Variants in FANCL observed in about 807,000 individuals in gnomAD.
The protein encoded by FANCL is FA complementation group L, also known as E3 ubiquitin-protein ligase FANCL.
Under a neutral mutation model 59.4 loss-of-function variants are expected in FANCL, and 69 were observed. The ratio of observed to expected loss-of-function variants is 1.16; its 90% CI spans 0.96 to 1.42. The LOEUF (loss-of-function observed/expected upper bound fraction) is 1.42, where lower values mean the gene tolerates loss of function less well. FANCL is among the 40% of genes most tolerant of loss of function. The pLI, the probability that FANCL is intolerant of heterozygous loss-of-function variation, is 0.00. For synonymous variants in FANCL, 180 were observed against 147.1 expected (o/e 1.22, Z -1.62); for missense variants, 519 against 447.2 (o/e 1.16, Z -1.45).
intron 4 of FANCL, among the ~76,000 whole-genome samples, chr2:58,224,508 T>C (rs1215680212): frequency 6.6e-6 from 1 of 151,816 alleles, no homozygotes; most frequent in African/African-American, 2.4e-5. Flanking sequence ...ATCTCACACA[T>C]TTAATCAAAG....
In FANCL at chr2:58,165,879, GA is replaced by G. The variant is rs746526500; in HGVS notation, c.541-6del. ...ATAAATGCTTATTAAGGAGCTCTGT[GA>G]AAAAAATGAAAGTTGAATAAGTTAT... On this transcript the variant is annotated splice_polypyrimidine_tract_variant and splice_region_variant and intron_variant, in intron 7 of 13. Transcript: ENST00000233741. 1.2e-6 allele frequency: 2 copies of G among 1,613,262 alleles called. No homozygotes were observed. The highest frequency in any genetic ancestry group is 2.2e-5 in the South Asian group (2 of 91,052).
chr2:58,237,328 A>C lies in FANCL; in HGVS notation c.96+3890T>G, dbSNP rs564603582. On this transcript the variant is annotated intron_variant, in intron 1 of 13. Coordinates refer to ENST00000233741, the MANE Select transcript of FANCL (RefSeq NM_018062.4). ...AAATCAATAACAAAAAGATATCTAGAAAATCCTTAATATTGAGAAAGATAA... is the reference window on the plus strand; with the variant it reads ...AAATCAATAACAAAAAGATATCTAGCAAATCCTTAATATTGAGAAAGATAA... 3.9e-5 allele frequency among the ~76,000 whole-genome samples: 6 copies of C among 152,286 alleles called. No homozygotes were observed. In the South Asian group the frequency reaches 1.2e-3, roughly 32 times the overall value.
intron 9 of FANCL, 76 bp from the exon 10 acceptor site, chr2:58,163,150 G>A (rs539245901): frequency 7.2e-6 from 9 of 1,253,850 alleles, no homozygotes; most frequent in Non-Finnish European, 1.0e-5. Context: ...GATACAGAAT[G>A]TTTCTTAACT....
chr2:58,159,793 G>T lies in FANCL; in HGVS notation c.1100C>A (p.Thr367Asn). The T allele has an allele frequency of 6.2e-7, 1 of 1,612,856 alleles. No homozygotes were observed. Among genetic ancestry groups the T allele is most frequent in the Non-Finnish European group, 8.5e-7 (1 of 1,179,506 alleles). ...GECPYCSKPI[T>N]LKMSGRKH is the part of the protein sequence containing the mutation. ...GTGTTTCCTTCCAGACATTTTTAAGGTAATTGGCTTTAAAAAGAGAACATA... is the reference window on the plus strand; with the variant it reads ...GTGTTTCCTTCCAGACATTTTTAAGTTAATTGGCTTTAAAAAGAGAACATA... The change falls in exon 14 of 14, where the codon ACC becomes AAC. Residue 367 changes from threonine (T) to asparagine (N), a missense_variant. Thr to Asn is a moderately conservative substitution (Grantham distance 65). Transcript: ENST00000233741.
chr2:58,213,205 T>C (rs2105216414), intron 5 of FANCL, among the ~76,000 whole-genome samples: 1 of 152,334 alleles, frequency 6.6e-6, no homozygotes, highest in African/African-American at 2.4e-5. Context: ...CAATCTGTCA[T>C]GCAAATCATT....
intron 7 of FANCL, among the ~76,000 whole-genome samples, chr2:58,189,812 C>T (rs1688747651): frequency 6.6e-6 from 1 of 151,972 alleles, no homozygotes; most frequent in Non-Finnish European, 1.5e-5. Flanking sequence ...ATCTTTTGTG[C>T]TATGATGACA....
At chr2:58,218,615 A>C (rs1692082378) in intron 5 of FANCL, among the ~76,000 whole-genome samples, 1 of 151,628 alleles carries the variant, frequency 6.6e-6, no homozygotes, top group Non-Finnish European at 1.5e-5. Context: ...AAGCCTATAA[A>C]GGCAAAAAAA....
intron 7 of FANCL, among the ~76,000 whole-genome samples, chr2:58,190,060 T>G (rs1688776595): frequency 6.6e-6 from 1 of 152,070 alleles, no homozygotes; most frequent in Admixed American, 6.6e-5. Context: ...AAACAGGTGA[T>G]AAATCTAAAT....
intron 7 of FANCL, chr2:58,194,403 A>C: frequency 2.4e-6 from 1 of 423,884 alleles, no homozygotes; most frequent in Non-Finnish European, 4.8e-6. Flanking sequence ...CTAAAGCATT[A>C]AGGATATATT....
chr2:58,192,516 TTAACCACATTACATTAGACATAAG>T, intron 7 of FANCL, among the ~76,000 whole-genome samples: 1 of 152,070 alleles, frequency 6.6e-6, no homozygotes, highest in East Asian at 1.9e-4. Flanking sequence ...TTAATCACCG[TTAACCACATTACATTAGACATAAG>T]TAACCACATT....
intron 8 of FANCL, 123 bp from the exon 9 acceptor site, chr2:58,163,640 A>G: frequency 3.0e-6 from 2 of 669,796 alleles, no homozygotes; most frequent in Non-Finnish European, 5.5e-6. Flanking sequence ...GATTAACCAA[A>G]TGTTTTGTAG....
chr2:58,210,444 G>A (rs147428564), intron 5 of FANCL, among the ~76,000 whole-genome samples: 1 of 152,070 alleles, frequency 6.6e-6, no homozygotes. Context: ...GAGAACTGTG[G>A]GAGTACAATT....
rs1693047811 is a variant in FANCL, at chr2:58,226,773, G to A, written c.228C>T (p.His76=). The A allele has an allele frequency of 6.2e-7, 1 of 1,612,832 alleles. No individual in the cohort carries two copies. Among genetic ancestry groups the A allele is most frequent in the African/African-American group, 1.3e-5 (1 of 74,922 alleles). The change falls in exon 4 of 14, where the codon CAC becomes CAT. Residue 76 remains histidine (H), a synonymous_variant. Transcript: ENST00000233741. ...TCATAAAGCTCATTAGATCAGGAGA[G>A]TGCTGCATTCTCTAGATCAAAATAT... ...YHRIVQQRMQ[H]SPDLMSFMME... is the part of the protein sequence containing the mutation.
chr2:58,181,277 G>A (rs1381331442), intron 7 of FANCL, among the ~76,000 whole-genome samples: 1 of 151,994 alleles, frequency 6.6e-6, no homozygotes, highest in Non-Finnish European at 1.5e-5. Flanking sequence ...GAAAATGGAT[G>A]GGTAAAATAA....
rs150477517 is a variant in FANCL, at chr2:58,179,198, C to T, written c.541-13324G>A. Among the ~76,000 whole-genome samples, 90 of 152,280 alleles carry T rather than the reference C, an allele frequency of 5.9e-4. No homozygotes were observed. The Middle Eastern group carries it at 0.01, about 17-fold the overall frequency. ...ATTCAATGCTATCCCCATCAATCTA[C>T]CACTGGCTTTCTTAACAGAATTAGA... On this transcript the variant is annotated intron_variant, in intron 7 of 13. Coordinates refer to ENST00000233741, the MANE Select transcript of FANCL (RefSeq NM_018062.4).
At chr2:58,234,516 C>G (rs376885541) in intron 1 of FANCL, among the ~76,000 whole-genome samples, 1 of 150,476 alleles carries the variant, frequency 6.6e-6, no homozygotes, top group East Asian at 2.0e-4. Context: ...GAACACAGAC[C>G]CAAAAAAGTC....
At chr2:58,219,177 T>G (rs1477021988) in intron 5 of FANCL, among the ~76,000 whole-genome samples, 797 of 66,548 alleles carry the variant, frequency 0.012, 17 homozygotes, top group Middle Eastern at 0.033. Flanking sequence ...AAAAAATATA[T>G]ATATATATAT....
intron 1 of FANCL, among the ~76,000 whole-genome samples, chr2:58,240,052 G>C (rs893585825): frequency 6.7e-6 from 1 of 149,180 alleles, no homozygotes; most frequent in Non-Finnish European, 1.5e-5. Context: ...AAAGGCCTTA[G>C]CAGATATAGA....
chr2:58,235,969 C>T (rs1301085137), intron 1 of FANCL, among the ~76,000 whole-genome samples: 3 of 150,874 alleles, frequency 2.0e-5, no homozygotes, highest in Non-Finnish European at 4.4e-5. Context: ...AATGAACAGA[C>T]CATGAGTGAG....
Sources: gnomAD v4.1 joint callset for allele counts (sites outside exome capture counted in the v4.1 genomes callset) on GRCh38, gnomAD v4.1.1 for gene constraint, MANE v1.5 for transcripts, NCBI Gene and HGNC (gene_info 2026-07-23, HGNC 2026-07-21) for gene names.